Variants in RCC1L observed in about 807,000 individuals in gnomAD.
RCC1L encodes the protein RCC1-like G exchanging factor-like protein.
RCC1L carries 46 observed loss-of-function variants against 58.6 expected under a neutral mutation model. The ratio of observed to expected loss-of-function variants is 0.79; its 90% confidence interval spans 0.62 to 1.00. The LOEUF (loss-of-function observed/expected upper bound fraction) is 1.00. Among genes scored for constraint, RCC1L ranks in the 50% least tolerant of loss-of-function variants. The pLI is 0.00. For missense variants in RCC1L, 636 were observed against 623.6 expected (o/e 1.02, Z -0.21); for synonymous variants, 281 against 262.9 (o/e 1.07, Z -0.67).
At chr7:75,041,214 A>ATAACTAACTAAC (rs71098027), downstream of RCC1L, among the ~76,000 whole-genome samples, 8 of 149,760 alleles carry the variant, frequency 5.3e-5, no homozygotes, top group East Asian at 2.0e-4. Flanking sequence ...ACTCCATCTC[A>ATAACTAACTAAC]TAACTAACTA....
intron 10 of RCC1L, among the ~76,000 whole-genome samples, chr7:75,046,478 C>T (rs1805724796): frequency 1.3e-5 from 2 of 152,308 alleles, no homozygotes; most frequent in South Asian, 2.1e-4. Flanking sequence ...AAGGAAGCCA[C>T]GATGGTCTCT....
At chr7:75,027,588 C>T (rs1359984863) in exon 11 of RCC1L, 3 of 183,222 alleles carry the variant, frequency 1.6e-5, no homozygotes, top group African/African-American at 4.8e-5. Context: ...GGACTGGCCT[C>T]GTGTCATGGA....
chr7:75,073,446 G>A lies in RCC1L; in HGVS notation c.292C>T (p.Pro98Ser). The change falls in exon 1 of 11, where the codon CCC becomes TCC. Residue 98 changes from proline to serine, a missense_variant. By Grantham distance (74) the Pro-to-Ser change is moderately conservative. Transcript: ENST00000610322. ...TCCAGCTCCAGGCGATAGGGCACGG[G>A]CTGGATCCTGCGGCGCGGTCGGGCG... Reference protein sequence around the residue: ...AGARPRRRIQPVPYRLELDQK... With the variant: ...AGARPRRRIQSVPYRLELDQK... The A allele has an allele frequency of 7.3e-7, 1 of 1,362,310 alleles. No individual in the cohort carries two copies. 84.4% of individuals were successfully genotyped at this position (1,362,310 alleles called of 1,614,324 possible).
chr7:75,059,428 A>C (rs1423152433), intron 6 of RCC1L, among the ~76,000 whole-genome samples: 1 of 151,302 alleles, frequency 6.6e-6, no homozygotes, highest in African/African-American at 2.4e-5. Context: ...GCACCACCAC[A>C]GCCGGCTAAT....
In RCC1L at chr7:75,057,599, G is replaced by A. The variant is rs1806122472; in HGVS notation, c.987C>T (p.Cys329=). 1.2e-6 allele frequency: 2 copies of A among 1,613,806 alleles called. No individual in the cohort carries two copies. Among genetic ancestry groups the A allele is most frequent in the Admixed American group, 1.7e-5 (1 of 59,982 alleles). ...CCTTCCCCACTCCTGAGAAGTGTAA[G>A]CAGCGGGGCACATTCACCTGAACCA... ...TDSTQVNVPR[C]LHFSGVGKVR... is the part of the protein sequence containing the mutation. The change falls in exon 8 of 11, where the codon TGC becomes TGT. Residue 329 remains cysteine (C), a synonymous_variant. Transcript: ENST00000610322.
rs1554443901 is a variant in RCC1L, at chr7:75,056,048, A to C, written c.1084T>G (p.Tyr362Asp). ...TTTGGACCTTTCCCAAGAATTCCAT[A>C]GCCCCAGACAAAAACATGTCCTTCT... is the stretch of plus-strand genomic sequence containing the variant. ...NGEGHVFVWG[Y>D]GILGKGPNLV... Residue 362 changes from tyrosine to aspartate, a missense_variant, in exon 9 of 11, where the codon TAT (tyrosine) becomes GAT (aspartate). By Grantham distance (160) the Tyr-to-Asp change is radical (BLOSUM62 -3). Transcript: ENST00000610322. 6.2e-7 allele frequency: 1 copy of C among 1,613,994 alleles called. No individual in the cohort carries two copies. Among genetic ancestry groups the C allele is most frequent in the Non-Finnish European group, 8.5e-7 (1 of 1,179,872 alleles).
intron 10 of RCC1L, among the ~76,000 whole-genome samples, chr7:75,033,361 G>A (rs964553155): frequency 3.3e-5 from 5 of 152,164 alleles, no homozygotes; most frequent in African/African-American, 1.2e-4. Context: ...AGAAACAGCA[G>A]GTAGAATGCA....
downstream of RCC1L, among the ~76,000 whole-genome samples, chr7:75,039,385 G>A (rs962234891): frequency 4.6e-5 from 7 of 152,232 alleles, no homozygotes; most frequent in African/African-American, 7.2e-5. Flanking sequence ...CACAGTCAGC[G>A]CAGAAGTATT....
At position 75,042,704 on chromosome 7, in the gene RCC1L, C is replaced by A; in HGVS notation, c.*328G>T. On this transcript the variant is annotated 3_prime_UTR_variant, in exon 11 of 11. Coordinates refer to ENST00000610322, the MANE Select transcript of RCC1L (RefSeq NM_030798.5). ...TCCCGAGCACTGTGTTCAAGCTAAG[C>A]TTTCCTAAGACGGGCTTCTCAGGCG... 8.0e-7 allele frequency: 1 copy of A among 1,253,974 alleles called. No individual in the cohort carries two copies. Among genetic ancestry groups the A allele is most frequent in the Non-Finnish European group, 1.0e-6 (1 of 989,524 alleles). The allele number at this position is 1,253,974 out of a possible 1,614,324, so 77.7% of individuals were successfully genotyped here.
chr7:75,040,434 TG>T (rs1193758694), downstream of RCC1L, among the ~76,000 whole-genome samples: 2 of 152,152 alleles, frequency 1.3e-5, no homozygotes, highest in Non-Finnish European at 1.5e-5. Flanking sequence ...CACTCCAGCC[TG>T]GGCAACAGAG....
intron 10 of RCC1L, among the ~76,000 whole-genome samples, chr7:75,048,669 G>A (rs1805820152): frequency 6.6e-6 from 1 of 152,252 alleles, no homozygotes; most frequent in Admixed American, 6.5e-5. Flanking sequence ...CTCCCTGGGG[G>A]ATGAGGGGTG....
chr7:75,048,297 C>A (rs922143695), intron 10 of RCC1L, among the ~76,000 whole-genome samples: 10 of 150,776 alleles, frequency 6.6e-5, no homozygotes. Context: ...AGAACCACCA[C>A]CTAAGACCCA....
chr7:75,048,409 G>A (rs1431726927), intron 10 of RCC1L, among the ~76,000 whole-genome samples: 2 of 152,224 alleles, frequency 1.3e-5, no homozygotes, highest in African/African-American at 2.4e-5. Context: ...CCACGGGGAG[G>A]GGAAGCACCG....
Position 75,073,526 on chromosome 7 carries a change from G to A in RCC1L, c.212C>T (p.Ala71Val). 1.4e-6 allele frequency: 2 copies of A among 1,463,364 alleles called. No homozygotes were observed. The highest frequency in any genetic ancestry group is 1.4e-5 in the South Asian group (1 of 73,684). The allele number at this position is 1,463,364 out of a possible 1,614,324, so 90.6% of individuals were successfully genotyped here. A position where few individuals can be genotyped will look rare whatever the true frequency, so the allele number is the denominator to read the frequency against. The change falls in exon 1 of 11, where the codon GCG (alanine) becomes GTG (valine). Residue 71 changes from alanine (A) to valine (V), a missense_variant. Transcript: ENST00000610322. ...VFVWGFSFSG[A>V]LGVPSFVVPS... ...CACCACAAAGGAAGGCACGCCCAGC[G>A]CCCCCGAGAAGCTGAAGCCCCACAC...
At chr7:75,029,136 G>A (rs984055135) in intron 10 of RCC1L, among the ~76,000 whole-genome samples, 2 of 152,328 alleles carry the variant, frequency 1.3e-5, no homozygotes, top group Non-Finnish European at 2.9e-5. Flanking sequence ...CCCTGTTAAA[G>A]CCCAGGGCAC....
In RCC1L at chr7:75,055,920, G is replaced by T. The variant is rs142341359; in HGVS notation, c.1212C>A (p.Ser404Arg). ...ACTTACTGGTCAGTGCAGCAAAGTG[G>T]CTGAGTCCACATCGGATGCGGGAAA... ...IQVSRIRCGL[S>R]HFAALTNKGE... The change falls in exon 9 of 11, where the codon AGC becomes AGA. Residue 404 changes from serine to arginine, a missense_variant. Physicochemically the swap from Ser to Arg is moderately radical, Grantham distance 110. Coordinates refer to ENST00000610322, the MANE Select transcript of RCC1L (RefSeq NM_030798.5). The T allele has an allele frequency of 6.2e-7, 1 of 1,613,974 alleles. No homozygotes were observed. Among genetic ancestry groups the T allele is most frequent in the Non-Finnish European group, 8.5e-7 (1 of 1,179,870 alleles).
chr7:75,040,127 C>T (rs1232014316), downstream of RCC1L, among the ~76,000 whole-genome samples: 8 of 152,240 alleles, frequency 5.3e-5, no homozygotes, highest in South Asian at 6.2e-4. Flanking sequence ...AACCGAAGGA[C>T]GTCCCTGCTT....
rs140417187 is a variant in RCC1L at position 75,066,757 on chromosome 7, C to T, written c.490G>A (p.Val164Ile). The T allele has an allele frequency of 2.9e-5, 47 of 1,612,514 alleles. No individual in the cohort carries two copies. The highest frequency in any genetic ancestry group is 4.0e-5 in the African/African-American group (3 of 74,818). The change falls in exon 3 of 11, where the codon GTC (valine) becomes ATC (isoleucine). Residue 164 changes from valine to isoleucine, a missense_variant. Val to Ile is a conservative substitution (Grantham distance 29, BLOSUM62 3). Transcript: ENST00000610322. ...TGAGGTCTGTCCAGAGGCAGGGAGA[C>T]GGGTGAGGGCTCCAACACATACTCG... is the stretch of plus-strand genomic sequence containing the variant. Reference protein sequence around the residue: ...GYEYVLEPSPVSLPLDRPQET... With the variant: ...GYEYVLEPSPISLPLDRPQET...
Position 75,073,683 on chromosome 7 carries a change from G to A in RCC1L, c.55C>T (p.Pro19Ser). The change falls in exon 1 of 11, where the codon CCG becomes TCG. Residue 19 changes from proline to serine, a missense_variant. By Grantham distance (74) the Pro-to-Ser change is moderately conservative. Coordinates refer to ENST00000610322, the MANE Select transcript of RCC1L (RefSeq NM_030798.5). Reference protein sequence around the residue: ...GARLGRRLSGPGLGRGHWTAA... With the variant: ...GARLGRRLSGSGLGRGHWTAA... The stretch of plus-strand genomic sequence containing the variant: ...GTCCAGTGCCCTCGCCCCAGCCCCG[G>A]CCCGCTCAGCCGCCGCCCCAGCCGA... 2 of 1,505,694 alleles carry A rather than the reference G, an allele frequency of 1.3e-6. No individual in the cohort carries two copies. The highest frequency in any genetic ancestry group is 1.4e-5 in the African/African-American group (1 of 70,278). The allele number at this position is 1,505,694 out of a possible 1,614,324, so 93.3% of individuals were successfully genotyped here.
Sources: allele counts gnomAD v4.1 joint callset (sites outside exome capture counted in the v4.1 genomes callset), GRCh38; gene constraint gnomAD v4.1.1; transcripts MANE v1.5; gene names NCBI Gene and HGNC (gene_info 2026-07-23, HGNC 2026-07-21).